Variants in KCNQ5 observed in about 807,000 individuals in gnomAD.
The protein encoded by KCNQ5 is potassium voltage-gated channel subfamily Q member 5.
KCNQ5 carries 30 observed loss-of-function variants against 98.2 expected under a neutral mutation model. The ratio of observed to expected loss-of-function variants is 0.31; its 90% confidence interval spans 0.23 to 0.41. The LOEUF (loss-of-function observed/expected upper bound fraction) is 0.41, where lower values mean the gene tolerates loss of function less well. Ranked by LOEUF, KCNQ5 falls within the 10% of genes least tolerant of loss-of-function variation. KCNQ5 has a pLI of 1.00. For missense variants in KCNQ5, 835 were observed against 1,182.5 expected (o/e 0.71, Z 4.31); for synonymous variants, 458 against 449.4 (o/e 1.02, Z -0.24).
chr6:73,188,840 A>G (rs532385265), intron 11 of KCNQ5, among the ~76,000 whole-genome samples: 5 of 152,058 alleles, frequency 3.3e-5, no homozygotes, highest in African/African-American at 1.2e-4. Flanking sequence ...AAAAATTAGC[A>G]GGTATGGTGG....
chr6:72,702,587 G>A (rs1768870062), intron 1 of KCNQ5, among the ~76,000 whole-genome samples: 1 of 152,170 alleles, frequency 6.6e-6, no homozygotes, highest in Admixed American at 6.5e-5. Flanking sequence ...ACTCTCTGTG[G>A]AAATGCTTTA....
At position 73,095,940 on chromosome 6, in the gene KCNQ5, T is replaced by G. The variant is rs140140171; in HGVS notation, c.919-9317T>G. Among the ~76,000 whole-genome samples, 3 of 152,308 alleles carry G rather than the reference T, an allele frequency of 2.0e-5. No homozygotes were observed. The East Asian group carries it at 5.8e-4, about 29-fold the overall frequency. On this transcript the variant is annotated intron_variant, in intron 5 of 13. Transcript: ENST00000370398. Reference sequence around the variant, plus strand: ...TAGTGGGCAATTTATAGTTGTATACTCATAAGCAAACTGTTTAAATTATCT... The same window carrying G: ...TAGTGGGCAATTTATAGTTGTATACGCATAAGCAAACTGTTTAAATTATCT...
intron 1 of KCNQ5, among the ~76,000 whole-genome samples, chr6:72,854,347 C>T (rs1273696946): frequency 6.6e-6 from 1 of 152,008 alleles, no homozygotes; most frequent in Non-Finnish European, 1.5e-5. Context: ...TATAATCACA[C>T]TTTACTTAGA....
intron 1 of KCNQ5, among the ~76,000 whole-genome samples, chr6:72,749,046 G>A (rs752421845): frequency 6.6e-6 from 1 of 152,086 alleles, no homozygotes; most frequent in East Asian, 1.9e-4. Context: ...CTTGAATGAG[G>A]GGAGTTAACT....
chr6:73,177,848 GTTGTTTTTGC>G (rs1310453770), intron 11 of KCNQ5, among the ~76,000 whole-genome samples: 1 of 152,164 alleles, frequency 6.6e-6, no homozygotes, highest in Non-Finnish European at 1.5e-5. Context: ...TCCCTGGAAT[GTTGTTTTTGC>G]TTGTTTTTGT....
chr6:72,671,964 C>T (rs539931211), intron 1 of KCNQ5, among the ~76,000 whole-genome samples: 1 of 151,778 alleles, frequency 6.6e-6, no homozygotes, highest in Non-Finnish European at 1.5e-5. Flanking sequence ...CTACAGGCAC[C>T]CGCCACCACG....
chr6:72,919,619 A>G (rs1339787115), intron 1 of KCNQ5, among the ~76,000 whole-genome samples: 2 of 152,186 alleles, frequency 1.3e-5, no homozygotes, highest in South Asian at 2.1e-4. Flanking sequence ...CTCACAGTCT[A>G]TGCTCTTAGT....
chr6:73,040,172 G>A (rs1039759703), intron 2 of KCNQ5, among the ~76,000 whole-genome samples: 3 of 152,202 alleles, frequency 2.0e-5, no homozygotes, highest in Admixed American at 2.0e-4. Context: ...TCTGTCATTT[G>A]TTAAGAACAA....
intron 5 of KCNQ5, among the ~76,000 whole-genome samples, chr6:73,102,063 G>A (rs1774800468): frequency 6.6e-6 from 1 of 151,956 alleles, no homozygotes; most frequent in South Asian, 2.1e-4. Context: ...CTGACCAATG[G>A]GACAGAAGAG....
chr6:72,829,829 G>C (rs557986181), intron 1 of KCNQ5, among the ~76,000 whole-genome samples: 2 of 152,296 alleles, frequency 1.3e-5, no homozygotes, highest in East Asian at 1.9e-4. Context: ...TAAGAGAGTA[G>C]TGGGAAAGTG....
At chr6:72,839,563 A>G (rs1243797975) in intron 1 of KCNQ5, among the ~76,000 whole-genome samples, 1 of 152,200 alleles carries the variant, frequency 6.6e-6, no homozygotes, top group Non-Finnish European at 1.5e-5. Flanking sequence ...GCTTTAAAAG[A>G]CAATTATCTT....
intron 6 of KCNQ5, among the ~76,000 whole-genome samples, chr6:73,108,818 C>T (rs1342435745): frequency 6.6e-6 from 1 of 151,962 alleles, no homozygotes. Flanking sequence ...CAGAGCAAGA[C>T]TCCATCTCAA....
chr6:73,022,408 G>A (rs1055169577), intron 2 of KCNQ5, among the ~76,000 whole-genome samples: 8 of 152,098 alleles, frequency 5.3e-5, no homozygotes, highest in Non-Finnish European at 1.0e-4. Context: ...TTGGAATGCT[G>A]AGGAAAGGGG....
At chr6:72,977,476 G>C (rs1768211141) in intron 1 of KCNQ5, among the ~76,000 whole-genome samples, 2 of 152,192 alleles carry the variant, frequency 1.3e-5, no homozygotes, top group South Asian at 4.1e-4. Context: ...GAATGAGTCT[G>C]GATGTGATAG....
intron 2 of KCNQ5, among the ~76,000 whole-genome samples, chr6:73,010,531 T>G (rs1395930615): frequency 6.6e-6 from 1 of 151,682 alleles, no homozygotes; most frequent in Non-Finnish European, 1.5e-5. Context: ...CTAGAGCAAT[T>G]AGGCAACTAT....
chr6:72,971,831 C>A (rs1266062983), intron 1 of KCNQ5, among the ~76,000 whole-genome samples: 1 of 152,008 alleles, frequency 6.6e-6, no homozygotes, highest in African/African-American at 2.4e-5. Context: ...CACACCAGGG[C>A]CTGTTGTGGG....
chr6:72,953,979 G>A lies in KCNQ5; in HGVS notation c.399-49929G>A, dbSNP rs546249520. Among the ~76,000 whole-genome samples, 17 of 152,042 alleles carry A rather than the reference G, an allele frequency of 1.1e-4. No individual in the cohort carries two copies. In the East Asian group the frequency reaches 1.6e-3, roughly 14 times the overall value. On this transcript the variant is annotated intron_variant, in intron 1 of 13. Coordinates refer to ENST00000370398, the MANE Select transcript of KCNQ5 (RefSeq NM_019842.4). ...GGTGACTTATGAAATTTCAATTAACGAACCACCAACAAAGAACAGAGGCGA... is the reference window on the plus strand; with the variant it reads ...GGTGACTTATGAAATTTCAATTAACAAACCACCAACAAAGAACAGAGGCGA...
At chr6:72,920,724 T>C (rs1780354649) in intron 1 of KCNQ5, among the ~76,000 whole-genome samples, 1 of 152,240 alleles carries the variant, frequency 6.6e-6, no homozygotes, top group African/African-American at 2.4e-5. Context: ...TACCAGCCAA[T>C]ACTTTTTATA....
chr6:72,850,880 G>A (rs1255284244), intron 1 of KCNQ5, among the ~76,000 whole-genome samples: 1 of 152,070 alleles, frequency 6.6e-6, no homozygotes, highest in Non-Finnish European at 1.5e-5. Flanking sequence ...CTTTTGAATG[G>A]AGTGCCTCAA....
Sources: gnomAD v4.1 joint callset for allele counts (sites outside exome capture counted in the v4.1 genomes callset) on GRCh38, gnomAD v4.1.1 for gene constraint, MANE v1.5 for transcripts, NCBI Gene and HGNC (gene_info 2026-07-23, HGNC 2026-07-21) for gene names.